Variants in SEPTIN9 observed in about 807,000 individuals in gnomAD.
SEPTIN9 encodes septin-9.
A neutral mutation model predicts 56.6 loss-of-function variants in SEPTIN9; 13 were observed. That is an observed-to-expected ratio of 0.23 (90% CI 0.15 to 0.37). The LOEUF is 0.37. Among genes scored for constraint, SEPTIN9 ranks in the 10% least tolerant of loss-of-function variants. The probability of loss-of-function intolerance (pLI) is 1.00; values close to 1 mark genes in which losing one functional copy is unlikely to be tolerated. For synonymous variants in SEPTIN9, 332 were observed against 334.1 expected, an observed-to-expected ratio of 0.99 and a Z score of 0.07; for missense variants, 650 against 823.1, an observed-to-expected ratio of 0.79 and a Z score of 2.57.
At chr17:77,426,430 C>T (rs1157994819) in intron 3 of SEPTIN9, among the ~76,000 whole-genome samples, 1 of 152,066 alleles carries the variant, frequency 6.6e-6, no homozygotes, top group African/African-American at 2.4e-5. Flanking sequence ...AGATCACTCC[C>T]CAGCCTAAAC....
chr17:77,359,104 G>A (rs117789338), intron 2 of SEPTIN9, among the ~76,000 whole-genome samples: 1,581 of 152,252 alleles, frequency 0.01, 9 homozygotes, highest in Non-Finnish European at 0.018. Flanking sequence ...ATTTTTAAGG[G>A]CATGACCTGA....
At chr17:77,396,262 T>G (rs2035709435) in intron 2 of SEPTIN9, among the ~76,000 whole-genome samples, 1 of 152,190 alleles carries the variant, frequency 6.6e-6, no homozygotes. Flanking sequence ...GCTGGGAGCC[T>G]CTTCTGTGTC....
In SEPTIN9 at chr17:77,408,446, G is replaced by GCC. The variant is rs113895227; in HGVS notation, c.721+5749_721+5750dup. Among the ~76,000 whole-genome samples, 2,026 of 152,148 alleles carry GCC rather than the reference G, an allele frequency of 0.013. 96 individuals carry two copies. The East Asian group carries it at 0.16, about 12-fold the overall frequency. On this transcript the variant is annotated intron_variant, in intron 3 of 11. Coordinates refer to ENST00000427177, the MANE Select transcript of SEPTIN9 (RefSeq NM_001113491.2). ...GAGCGTTGAGGGAGCAGGGGGTCAGGCCCCCCCGAGCTGATGATGGTGGGC... is the reference window on the plus strand; with the variant it reads ...GAGCGTTGAGGGAGCAGGGGGTCAGGCCCCCCCCCGAGCTGATGATGGTGGGC...
intron 2 of SEPTIN9, among the ~76,000 whole-genome samples, chr17:77,393,888 A>G (rs2035622308): frequency 6.6e-6 from 1 of 152,108 alleles, no homozygotes; most frequent in African/African-American, 2.4e-5. Context: ...GCCTGGCCTC[A>G]GGGGCACCTT....
chr17:77,294,453 C>G (rs2031712969), intron 1 of SEPTIN9: 1 of 160,162 alleles, frequency 6.2e-6, no homozygotes, highest in Admixed American at 6.5e-5. Context: ...GAATGAATCT[C>G]CTTAGTTGAT....
chr17:77,281,579 A>C, intron 1 of SEPTIN9, 25 bp downstream of exon 1: 1 of 1,534,736 alleles, frequency 6.5e-7, no homozygotes, highest in Non-Finnish European at 8.8e-7. Flanking sequence ...CGGGGTGGGG[A>C]GGGGTCGGTG....
chr17:77,400,414 T>C lies in SEPTIN9; in HGVS notation c.77-1645T>C, dbSNP rs2035860338. 1 of 152,000 alleles carries C rather than the reference T, an allele frequency of 6.6e-6. No individual in the cohort carries two copies. The highest frequency in any genetic ancestry group is 2.4e-5 in the African/African-American group (1 of 41,380). 9.4% of individuals were successfully genotyped at this position (152,000 alleles called of 1,614,324 possible). On this transcript the variant is annotated intron_variant, in intron 2 of 11. Transcript: ENST00000427177. The surrounding 1 kb of genome is among the most constrained non-coding windows in gnomAD (Gnocchi z 4.1). ...GCCCAGCTTCTGGTGGAGGTTGAGCTTAGTGACCCAGGATTTCGTCTGTGT... is the reference window on the plus strand; with the variant it reads ...GCCCAGCTTCTGGTGGAGGTTGAGCCTAGTGACCCAGGATTTCGTCTGTGT...
chr17:77,284,904 A>T, intron 1 of SEPTIN9, among the ~76,000 whole-genome samples: 1 of 152,304 alleles, frequency 6.6e-6, no homozygotes, highest in South Asian at 2.1e-4. Context: ...CTGTGATTAC[A>T]GGCATGAGCC....
At chr17:77,298,231 A>G (rs2031900449) in intron 1 of SEPTIN9, among the ~76,000 whole-genome samples, 1 of 152,274 alleles carries the variant, frequency 6.6e-6, no homozygotes, top group African/African-American at 2.4e-5. Context: ...ACTAGGAATA[A>G]TGGAGTCACC....
Position 77,437,799 on chromosome 17 carries a change from C to T in SEPTIN9, c.721+35096C>T, listed in dbSNP as rs186984823. ...CTTTCTGCTGCCCCCCAACCCCTTT[C>T]GGGTACATTCTCCTGTAGCCCCACT... On this transcript the variant is annotated intron_variant, in intron 3 of 11. Coordinates refer to ENST00000427177, the MANE Select transcript of SEPTIN9 (RefSeq NM_001113491.2). This position sits in a 1 kb window ranked among gnomAD's most constrained non-coding sequence, Gnocchi z 5.3. Among the ~76,000 whole-genome samples the T allele has an allele frequency of 2.5e-3, 387 of 152,302 alleles. 1 individual carries two copies. Among genetic ancestry groups the T allele is most frequent in the Non-Finnish European group, 4.1e-3 (278 of 68,020 alleles).
At chr17:77,352,417 AC>A (rs2034095833) in intron 2 of SEPTIN9, among the ~76,000 whole-genome samples, 1 of 142,984 alleles carries the variant, frequency 7.0e-6, no homozygotes, top group South Asian at 2.1e-4. Flanking sequence ...AAAAACAAAA[AC>A]AAAAACAAAA....
At position 77,480,561 on chromosome 17, in the gene SEPTIN9, C is replaced by T. The variant is rs529281108; in HGVS notation, c.722-1583C>T. Among the ~76,000 whole-genome samples the T allele has an allele frequency of 2.6e-5, 4 of 152,306 alleles. No individual in the cohort carries two copies. The South Asian group carries it at 6.2e-4, about 24-fold the overall frequency. On this transcript the variant is annotated intron_variant, in intron 3 of 11. Transcript: ENST00000427177. ...CCTTCTGGGCAGAGTGAGGAGTGGG[C>T]GTGGGCCGGGAGGGCTGCCTCCTGT...
rs548514451 is a variant in SEPTIN9 at position 77,379,395 on chromosome 17, G to A, written c.77-22664G>A. 3.3e-5 allele frequency among the ~76,000 whole-genome samples: 5 copies of A among 152,076 alleles called. No individual in the cohort carries two copies. In the East Asian group the frequency reaches 9.7e-4, roughly 29 times the overall value. On this transcript the variant is annotated intron_variant, in intron 2 of 11. Transcript: ENST00000427177. Reference sequence around the variant, plus strand: ...CTTGGTGGTGGAGAGCGTGCATGGTGGCCGTACGTGATGGGCATCACCCAG... The same window carrying A: ...CTTGGTGGTGGAGAGCGTGCATGGTAGCCGTACGTGATGGGCATCACCCAG...
At chr17:77,488,374 A>G in intron 6 of SEPTIN9, 53 bp downstream of exon 6, 1 of 1,511,830 alleles carries the variant, frequency 6.6e-7, no homozygotes, top group Non-Finnish European at 9.2e-7. Flanking sequence ...GGCTCCCTGG[A>G]CCCCACCCAG....
At chr17:77,452,110 G>T (rs1415983101) in intron 3 of SEPTIN9, among the ~76,000 whole-genome samples, 1 of 152,228 alleles carries the variant, frequency 6.6e-6, no homozygotes, top group African/African-American at 2.4e-5. Context: ...TATGTGCAGG[G>T]CGTTCCTGGG....
rs879608695 is a variant in SEPTIN9, at chr17:77,369,741, C to G, written c.77-32318C>G. 5.3e-5 allele frequency among the ~76,000 whole-genome samples: 8 copies of G among 152,210 alleles called. No homozygotes were observed. The highest frequency in any genetic ancestry group is 1.2e-4 in the Non-Finnish European group (8 of 68,044). Reference sequence around the variant, plus strand: ...CCTCAGTGTTGCTGGGAGAAAGCCCCTCACCTTCCTTCGCTCTCCGAGCCT... The same window carrying G: ...CCTCAGTGTTGCTGGGAGAAAGCCCGTCACCTTCCTTCGCTCTCCGAGCCT... On this transcript the variant is annotated intron_variant, in intron 2 of 11. Coordinates refer to ENST00000427177, the MANE Select transcript of SEPTIN9 (RefSeq NM_001113491.2). The surrounding 1 kb of genome is among the most constrained non-coding windows in gnomAD (Gnocchi z 4.9).
At chr17:77,351,688 C>T (rs1439830549) in intron 2 of SEPTIN9, among the ~76,000 whole-genome samples, 3 of 152,224 alleles carry the variant, frequency 2.0e-5, no homozygotes, top group African/African-American at 4.8e-5. Flanking sequence ...CTCTGGTTGG[C>T]GCCCAGCCCA....
chr17:77,464,211 G>A (rs1337485332), intron 3 of SEPTIN9, among the ~76,000 whole-genome samples: 3 of 152,150 alleles, frequency 2.0e-5, no homozygotes, highest in East Asian at 1.9e-4. Flanking sequence ...GTTTAGCTGG[G>A]ATTACAAGGT....
chr17:77,481,334 G>T (rs148279452), intron 3 of SEPTIN9, among the ~76,000 whole-genome samples: 1 of 152,236 alleles, frequency 6.6e-6, no homozygotes, highest in Non-Finnish European at 1.5e-5. Flanking sequence ...TGTGCAGCCC[G>T]TGGGCGCTGG....
Sources: gnomAD v4.1 joint callset for allele counts (sites outside exome capture counted in the v4.1 genomes callset) on GRCh38, gnomAD v4.1.1 for gene constraint, Gnocchi (gnomAD v3.1) non-coding constraint, MANE v1.5 for transcripts, NCBI Gene and HGNC (gene_info 2026-07-23, HGNC 2026-07-21) for gene names.